Variants in ARHGEF9 observed in about 807,000 individuals in gnomAD.
ARHGEF9 encodes Cdc42 guanine nucleotide exchange factor 9, also known as rho guanine nucleotide exchange factor 9.
ARHGEF9 carries 2 observed loss-of-function variants against 41.3 expected under a neutral mutation model. The observed-to-expected ratio is 0.05, with a 90% confidence interval of 0.02 to 0.15. The LOEUF (loss-of-function observed/expected upper bound fraction) is 0.15. ARHGEF9 is among the 10% of genes least tolerant of loss of function. The pLI, the probability that ARHGEF9 is intolerant of heterozygous loss-of-function variation, is 1.00. For missense variants in ARHGEF9, 225 were observed against 424.7 expected (o/e 0.53, Z 4.13); for synonymous variants, 160 against 154.4 (o/e 1.04, Z -0.27).
At chrX:63,752,016 A>C (rs144776441) in intron 1 of ARHGEF9, among the ~76,000 whole-genome samples, 129 of 112,064 alleles carry the variant, frequency 1.2e-3, no homozygotes, top group African/African-American at 4.1e-3. Context: ...CTTGGGGGAA[A>C]AAAAGTCAAA....
In ARHGEF9 at chrX:63,759,218, C is replaced by A. The variant is rs190904752; in HGVS notation, c.30+25898G>T. Among the ~76,000 whole-genome samples the A allele has an allele frequency of 6.2e-3, 688 of 111,410 alleles. 10 individuals are homozygous for A. The highest frequency in any genetic ancestry group is 0.022 in the African/African-American group (663 of 30,634). The stretch of plus-strand genomic sequence containing the variant: ...CACGGTATTTGATACCAGCCCTGTC[C>A]ATGTGTGGGTAGCTTTCTGAGTTAT... On this transcript the variant is annotated intron_variant, in intron 1 of 9. Coordinates refer to ENST00000671741, the MANE Select transcript of ARHGEF9 (RefSeq NM_001353921.2).
At chrX:63,641,947 G>A (rs1286276326) in intron 9 of ARHGEF9, 4 of 111,708 alleles carry the variant, frequency 3.6e-5, no homozygotes, top group Admixed American at 1.9e-4. Context: ...CTTCCATGCT[G>A]GATGCTTCCT....
intron 4 of ARHGEF9, among the ~76,000 whole-genome samples, chrX:63,690,644 A>G (rs1357401132): frequency 3.6e-5 from 4 of 111,865 alleles, no homozygotes; most frequent in African/African-American, 1.3e-4. Context: ...TGAGGCCAGC[A>G]TTACCCTGGT....
At chrX:63,745,458 G>A (rs1221415909) in intron 1 of ARHGEF9, among the ~76,000 whole-genome samples, 4 of 111,021 alleles carry the variant, frequency 3.6e-5, no homozygotes, top group Non-Finnish European at 5.7e-5. Context: ...CCAGCCTCTC[G>A]TCAGCTTGCT....
chrX:63,708,726 C>T (rs1162939253), intron 2 of ARHGEF9, among the ~76,000 whole-genome samples: 1 of 112,106 alleles, frequency 8.9e-6, no homozygotes, highest in Non-Finnish European at 1.9e-5. Flanking sequence ...GAACTACTAA[C>T]AGATTCATTC....
chrX:63,743,315 G>T (rs1315448485), intron 1 of ARHGEF9: 1 of 112,598 alleles, frequency 8.9e-6, no homozygotes, highest in African/African-American at 3.2e-5. Flanking sequence ...AATACCTAAC[G>T]CTATATACTA....
chrX:63,763,432 C>T (rs1303105680), intron 1 of ARHGEF9, among the ~76,000 whole-genome samples: 2 of 105,206 alleles, frequency 1.9e-5, no homozygotes, highest in African/African-American at 3.4e-5. Context: ...TTAATAAGTT[C>T]TCTCTCTCTC....
intron 1 of ARHGEF9, among the ~76,000 whole-genome samples, chrX:63,746,272 A>G (rs1556433652): frequency 8.9e-6 from 1 of 112,392 alleles, no homozygotes; most frequent in Non-Finnish European, 1.9e-5. Flanking sequence ...GGGGCCTGGA[A>G]CTAGCACATA....
intron 7 of ARHGEF9, among the ~76,000 whole-genome samples, chrX:63,658,457 C>T (rs2049006810): frequency 8.9e-6 from 1 of 111,962 alleles, no homozygotes; most frequent in African/African-American, 3.2e-5. Flanking sequence ...TGCCTTGCTG[C>T]CTAACCTACC....
rs782705959 is a variant in ARHGEF9, at chrX:63,638,166, C to T, written c.1434G>A (p.Pro478=). 5.9e-6 allele frequency: 7 copies of T among 1,194,971 alleles called. No individual in the cohort carries two copies. In the East Asian group the frequency reaches 9.0e-5, roughly 15 times the overall value. The change falls in exon 10 of 10, where the codon CCG becomes CCA. Residue 478 remains proline, a synonymous_variant. Transcript: ENST00000671741. ...ACTGGCCGTGGTTTAACGGGTCCTG[C>T]GGTGGTGGGTAGGAAGGAGGAACTG... ...ARSVPPSYPP[P]QDPLNHGQYL... is the part of the protein sequence containing the mutation.
Position 63,635,171 on chromosome X carries a change from C to A in ARHGEF9, c.*2857G>T, listed in dbSNP as rs2047252847. The stretch of plus-strand genomic sequence containing the variant: ...GTCACTGTTGCCCATCCATCCACCC[C>A]AGCCCACCCCATCCCCAAAGCACTA... On this transcript the variant is annotated 3_prime_UTR_variant, in exon 10 of 10. Transcript: ENST00000671741. 2.6e-6 allele frequency: 1 copy of A among 377,764 alleles called. No individual in the cohort carries two copies. Among genetic ancestry groups the A allele is most frequent in the Non-Finnish European group, 4.7e-6 (1 of 214,163 alleles). The allele number at this position is 377,764 out of a possible 1,213,427, so 31.1% of individuals were successfully genotyped here.
intron 1 of ARHGEF9, among the ~76,000 whole-genome samples, chrX:63,772,913 C>G (rs2056228537): frequency 9.0e-6 from 1 of 111,502 alleles, no homozygotes; most frequent in Admixed American, 9.5e-5. Flanking sequence ...TCCCGTAAGC[C>G]TCACTGTCTC....
intron 3 of ARHGEF9, among the ~76,000 whole-genome samples, chrX:63,699,061 TG>T (rs781877935): frequency 1.5e-4 from 17 of 111,577 alleles, no homozygotes; most frequent in Non-Finnish European, 3.0e-4. Context: ...CTAGTATGTC[TG>T]GGTTGGTCTG....
intron 1 of ARHGEF9, among the ~76,000 whole-genome samples, chrX:63,734,406 A>T (rs1380742633): frequency 8.9e-6 from 1 of 112,074 alleles, no homozygotes; most frequent in Non-Finnish European, 1.9e-5. Context: ...GGCACTTCTG[A>T]CGCATTACAA....
rs1342020333 is a variant in ARHGEF9 at position 63,648,728 on chromosome X, T to A, written c.1322-4680A>T. 2.7e-5 allele frequency among the ~76,000 whole-genome samples: 3 copies of A among 110,662 alleles called. 1 individual carries two copies. The highest frequency in any genetic ancestry group is 5.7e-5 in the Non-Finnish European group (3 of 52,914). On this transcript the variant is annotated intron_variant, in intron 8 of 9. Coordinates refer to ENST00000671741, the MANE Select transcript of ARHGEF9 (RefSeq NM_001353921.2). Reference sequence around the variant, plus strand: ...CCCATCTCACATGCAGAGACACACATAGGCTCAAAATAAAGGGATGGAGGA... The same window carrying A: ...CCCATCTCACATGCAGAGACACACAAAGGCTCAAAATAAAGGGATGGAGGA...
At chrX:63,702,714 A>G (rs2052267258) in intron 3 of ARHGEF9, among the ~76,000 whole-genome samples, 1 of 112,181 alleles carries the variant, frequency 8.9e-6, no homozygotes, top group South Asian at 3.7e-4. Context: ...CCATGTTAAC[A>G]CATCCATGCT....
At chrX:63,706,496 G>A (rs782257873) in intron 2 of ARHGEF9, 47 bp from the exon 3 acceptor site, 3 of 1,153,132 alleles carry the variant, frequency 2.6e-6, no homozygotes, top group Non-Finnish European at 3.5e-6. Flanking sequence ...TTCCTTCTTT[G>A]GGAGGTTTCC....
rs200772092 is a variant in ARHGEF9, at chrX:63,744,108, TC to T, written c.31-19398del. 6.0e-3 allele frequency among the ~76,000 whole-genome samples: 672 copies of T among 112,098 alleles called. 5 individuals carry two copies. The highest frequency in any genetic ancestry group is 0.011 in the South Asian group (29 of 2,679). On this transcript the variant is annotated intron_variant, in intron 1 of 9. Coordinates refer to ENST00000671741, the MANE Select transcript of ARHGEF9 (RefSeq NM_001353921.2). ...CAGCAACTGACTTCACATTTGCACC[TC>T]CTTTTTACTCATGTGTACATCTTCC... is the stretch of plus-strand genomic sequence containing the variant.
At chrX:63,755,157 C>G (rs2055885954) in intron 1 of ARHGEF9, 1 of 938,915 alleles carries the variant, frequency 1.1e-6, no homozygotes. Context: ...TTTTTATTCA[C>G]CGAGCGACTG....
Sources: allele counts gnomAD v4.1 joint callset (sites outside exome capture counted in the v4.1 genomes callset), GRCh38; gene constraint gnomAD v4.1.1; transcripts MANE v1.5; gene names NCBI Gene and HGNC (gene_info 2026-07-23, HGNC 2026-07-21).